The following TPCN1 variants were observed in gnomAD, a reference collection of about 807,000 sequenced individuals.
TPCN1 encodes two pore channel protein 1.
TPCN1 carries 52 observed loss-of-function variants against 108.8 expected under a neutral mutation model. The observed-to-expected ratio is 0.48, with a 90% confidence interval of 0.38 to 0.60. TPCN1 has a LOEUF of 0.60. TPCN1 is among the 20% of genes least tolerant of loss of function. The pLI is 0.00. For synonymous variants in TPCN1, 446 were observed against 433.7 expected (o/e 1.03, Z -0.35); for missense variants, 806 against 1,072.8 (o/e 0.75, Z 3.47).
chr12:113,236,621 A>T (rs76103615), intron 2 of TPCN1, among the ~76,000 whole-genome samples: 1 of 143,060 alleles, frequency 7.0e-6, no homozygotes, highest in Non-Finnish European at 1.5e-5. Context: ...TCTCAAAAAG[A>T]AAAAAAAAAA....
rs766534725 is a variant in TPCN1 at position 113,287,046 on chromosome 12, T to G, written c.1586T>G (p.Met529Arg). The G allele has an allele frequency of 1.9e-6, 3 of 1,613,928 alleles. 1 individual carries two copies. The highest frequency in any genetic ancestry group is 2.5e-6 in the Non-Finnish European group (3 of 1,179,988). The change falls in exon 19 of 28, where the codon ATG (methionine) becomes AGG (arginine). Residue 529 changes from methionine to arginine, a missense_variant. By Grantham distance (91) the Met-to-Arg change is moderately conservative. Transcript: ENST00000335509. The stretch of plus-strand genomic sequence containing the variant: ...GGACTGCTGGCGCTGGCCCTCAACA[T>G]GGAGCCCTTCTATTTCATCGTGGTC... ...FLGLLALALNMEPFYFIVVLR... is the reference protein window; with the variant it reads ...FLGLLALALNREPFYFIVVLR...
chr12:113,248,145 C>G (rs1442991827), intron 2 of TPCN1, among the ~76,000 whole-genome samples: 1 of 152,244 alleles, frequency 6.6e-6, no homozygotes, highest in Non-Finnish European at 1.5e-5. Context: ...CCCACTGCAC[C>G]CCGGGTGGAG....
chr12:113,250,014 G>C (rs1474314009), intron 2 of TPCN1: 1 of 152,276 alleles, frequency 6.6e-6, no homozygotes, highest in African/African-American at 2.4e-5. Context: ...CACCTATAAA[G>C]TGCTGAGACT....
At chr12:113,277,890 GTCC>G (rs1955727760) in intron 12 of TPCN1, among the ~76,000 whole-genome samples, 1 of 152,190 alleles carries the variant, frequency 6.6e-6, no homozygotes, top group Non-Finnish European at 1.5e-5. Flanking sequence ...TGAAGTTTCC[GTCC>G]TCCTAAGAAT....
At chr12:113,242,548 T>A (rs1954187917) in intron 2 of TPCN1, among the ~76,000 whole-genome samples, 1 of 152,206 alleles carries the variant, frequency 6.6e-6, no homozygotes, top group Admixed American at 6.5e-5. Context: ...TTAATTAACG[T>A]AAAGCCCTTT....
At chr12:113,262,364 T>G (rs1003255982) in intron 3 of TPCN1, among the ~76,000 whole-genome samples, 2 of 151,298 alleles carry the variant, frequency 1.3e-5, no homozygotes, top group African/African-American at 4.9e-5. Flanking sequence ...GAGCCGTGTT[T>G]GTGTCACTGC....
At chr12:113,254,794 C>T (rs1954772493) in intron 2 of TPCN1, among the ~76,000 whole-genome samples, 1 of 152,208 alleles carries the variant, frequency 6.6e-6, no homozygotes, top group Non-Finnish European at 1.5e-5. Context: ...TAGGGATTCT[C>T]AAGCTGAAAT....
At chr12:113,224,460 A>C (rs1450634644) in intron 1 of TPCN1, among the ~76,000 whole-genome samples, 1 of 151,834 alleles carries the variant, frequency 6.6e-6, no homozygotes, top group Non-Finnish European at 1.5e-5. Context: ...GCAGTGGTGC[A>C]ATCTCGGCTC....
At chr12:113,276,282 A>G (rs372777794) in intron 10 of TPCN1, among the ~76,000 whole-genome samples, 1 of 152,212 alleles carries the variant, frequency 6.6e-6, no homozygotes, top group African/African-American at 2.4e-5. Flanking sequence ...AGACAGAGAA[A>G]GTGTTTCTAA....
intron 2 of TPCN1, among the ~76,000 whole-genome samples, chr12:113,250,631 C>T (rs922690621): frequency 6.6e-6 from 1 of 152,184 alleles, no homozygotes; most frequent in Non-Finnish European, 1.5e-5. Context: ...ATGAACAGGC[C>T]AGTTGTTGGT....
chr12:113,245,658 C>A (rs941331927), intron 2 of TPCN1, among the ~76,000 whole-genome samples: 2 of 151,884 alleles, frequency 1.3e-5, no homozygotes, highest in Admixed American at 6.6e-5. Flanking sequence ...TATCACCCTT[C>A]CTGAGAACAG....
intron 14 of TPCN1, among the ~76,000 whole-genome samples, chr12:113,279,223 A>T (rs1955778494): frequency 6.6e-6 from 1 of 150,798 alleles, no homozygotes; most frequent in African/African-American, 2.4e-5. Context: ...CCATTTTTCT[A>T]TGCATTTTTA....
Position 113,273,510 on chromosome 12 carries a change from G to T in TPCN1, c.843-59G>T. 1 of 1,401,062 alleles carries T rather than the reference G, an allele frequency of 7.1e-7. No homozygotes were observed. Among genetic ancestry groups the T allele is most frequent in the Non-Finnish European group, 1.0e-6 (1 of 986,120 alleles). The allele number at this position is 1,401,062 out of a possible 1,614,324, so 86.8% of individuals were successfully genotyped here. On this transcript the variant is annotated intron_variant, in intron 9 of 27. Transcript: ENST00000335509. The surrounding 1 kb of genome is among the most constrained non-coding windows in gnomAD (Gnocchi z 4.0). ...AGGAGCTGTCCTCTGCAAGGCATGTGCTCTGAGAGGATGGAGACAGGCAGA... is the reference window on the plus strand; with the variant it reads ...AGGAGCTGTCCTCTGCAAGGCATGTTCTCTGAGAGGATGGAGACAGGCAGA...
intron 2 of TPCN1, among the ~76,000 whole-genome samples, chr12:113,247,766 C>A (rs1222250932): frequency 1.3e-5 from 2 of 152,244 alleles, no homozygotes; most frequent in South Asian, 4.1e-4. Flanking sequence ...GAAGGAGGCC[C>A]TTTGCGATCA....
intron 19 of TPCN1, 179 bp downstream of exon 19, chr12:113,287,273 G>C (rs1000006454): frequency 2.3e-5 from 14 of 599,232 alleles, no homozygotes; most frequent in Non-Finnish European, 4.1e-5. Flanking sequence ...TGTGCAGGCT[G>C]CCTGTGCCCT....
At chr12:113,278,929 G>GGTGTGT (rs144760721) in intron 14 of TPCN1, 94 bp downstream of exon 14, 1 of 1,078,722 alleles carries the variant, frequency 9.3e-7, no homozygotes, top group Non-Finnish European at 1.4e-6. Flanking sequence ...GGTTCAGAGG[G>GGTGTGT]GTGTGTGTGT....
Position 113,288,726 on chromosome 12 carries a change from C to T in TPCN1, c.1707-32C>T. On this transcript the variant is annotated intron_variant, in intron 20 of 27. Coordinates refer to ENST00000335509, the MANE Select transcript of TPCN1 (RefSeq NM_017901.6). The surrounding 1 kb of genome is among the most constrained non-coding windows in gnomAD (Gnocchi z 4.8). ...CAGAGGAGCCGTTCCCTCCTGCCGG[C>T]CCCGCGTCACCCTGCCCCTGTCGCC... is the stretch of plus-strand genomic sequence containing the variant. 2 of 1,608,336 alleles carry T rather than the reference C, an allele frequency of 1.2e-6. No homozygotes were observed. Among genetic ancestry groups the T allele is most frequent in the East Asian group, 2.2e-5 (1 of 44,858 alleles).
In TPCN1 at chr12:113,288,368, A is replaced by C. The variant is rs774231937; in HGVS notation, c.1706+134A>C. ...CAATCGAGGGCCTGACGGGGCTCCA[A>C]GGAGCCTGGAATCTTGACCACCACA... On this transcript the variant is annotated intron_variant, in intron 20 of 27. Transcript: ENST00000335509. The surrounding 1 kb of genome is among the most constrained non-coding windows in gnomAD (Gnocchi z 4.8). 1 of 1,512,636 alleles carries C rather than the reference A, an allele frequency of 6.6e-7. No individual in the cohort carries two copies. 93.7% of individuals were successfully genotyped at this position (1,512,636 alleles called of 1,614,324 possible).
chr12:113,273,608 C>G lies in TPCN1; in HGVS notation c.882C>G (p.Pro294=). 8 of 1,614,242 alleles carry G rather than the reference C, an allele frequency of 5.0e-6. No individual in the cohort carries two copies. Among genetic ancestry groups the G allele is most frequent in the Non-Finnish European group, 5.9e-6 (7 of 1,180,036 alleles). ...TGATGCCCTCCTACTCCCGGAACCCCTGGTCCTGCGTCTTCTTCATCGTGT... is the reference window on the plus strand; with the variant it reads ...TGATGCCCTCCTACTCCCGGAACCCGTGGTCCTGCGTCTTCTTCATCGTGT... ...DVMMPSYSRN[P]WSCVFFIVYL... The change falls in exon 10 of 28, where the codon CCC becomes CCG. Residue 294 remains proline, a synonymous_variant. Transcript: ENST00000335509. This position sits in a 1 kb window ranked among gnomAD's most constrained non-coding sequence, Gnocchi z 4.0.
Sources: allele counts gnomAD v4.1 joint callset (sites outside exome capture counted in the v4.1 genomes callset), GRCh38; gene constraint gnomAD v4.1.1; non-coding constraint Gnocchi (gnomAD v3.1); transcripts MANE v1.5; gene names NCBI Gene and HGNC (gene_info 2026-07-23, HGNC 2026-07-21).